B4GALT6: variants seen among roughly 807,000 people sequenced by gnomAD.
B4GALT6 encodes beta-1,4-galactosyltransferase 6.
A neutral mutation model predicts 46.3 loss-of-function variants in B4GALT6; 14 were observed. That is an observed-to-expected ratio of 0.30 (90% CI 0.20 to 0.47). B4GALT6 has a LOEUF of 0.47. Ranked by LOEUF, B4GALT6 falls within the 20% of genes least tolerant of loss-of-function variation. B4GALT6 has a pLI of 0.99. For missense variants in B4GALT6, 386 were observed against 480.1 expected (o/e 0.80, Z 1.83); for synonymous variants, 168 against 162.0 (o/e 1.04, Z -0.28).
chr18:31,629,465 T>TTA (rs1275082915), intron 6 of B4GALT6, among the ~76,000 whole-genome samples: 33 of 135,654 alleles, frequency 2.4e-4, no homozygotes, highest in African/African-American at 8.9e-4. Flanking sequence ...TTTTTTTTTT[T>TTA]TTTTTTTTTT....
chr18:31,663,903 C>T lies in B4GALT6; in HGVS notation c.232+2353G>A, dbSNP rs763062810. ...GTAAATGTTGGCTAAATGAACATGG[C>T]GGAGCCTCATTGCTGACTCAAACTC... On this transcript the variant is annotated intron_variant, in intron 2 of 8. Transcript: ENST00000306851. 4.6e-5 allele frequency among the ~76,000 whole-genome samples: 7 copies of T among 152,282 alleles called. No individual in the cohort carries two copies. In the South Asian group the frequency reaches 1.0e-3, roughly 23 times the overall value.
At chr18:31,707,230 T>A in the B4GALT6 span, among the ~76,000 whole-genome samples, 1 of 116,334 alleles carries the variant, frequency 8.6e-6, no homozygotes, top group African/African-American at 2.8e-5. Context: ...TTCTTTTCTT[T>A]CTTTTTTTTT....
intron 1 of B4GALT6, among the ~76,000 whole-genome samples, chr18:31,674,136 T>C (rs2074388887): frequency 6.6e-6 from 1 of 152,164 alleles, no homozygotes; most frequent in South Asian, 2.1e-4. Flanking sequence ...TGTGGTAATG[T>C]GTTATGGCAG....
upstream of B4GALT6, among the ~76,000 whole-genome samples, chr18:31,690,552 C>A (rs1010107556): frequency 1.3e-5 from 2 of 151,126 alleles, no homozygotes; most frequent in African/African-American, 4.9e-5. Flanking sequence ...TCACTCTAAC[C>A]TCCGCCTCCT....
Position 31,636,065 on chromosome 18 carries a change from T to C in B4GALT6, c.588+2579A>G, listed in dbSNP as rs547655769. ...ATTTTCAACAAAGATGCTAAAGCAATTCAATGGCGAAAACAGTCTTTGCAA... is the reference window on the plus strand; with the variant it reads ...ATTTTCAACAAAGATGCTAAAGCAACTCAATGGCGAAAACAGTCTTTGCAA... On this transcript the variant is annotated intron_variant, in intron 5 of 8. Coordinates refer to ENST00000306851, the MANE Select transcript of B4GALT6 (RefSeq NM_004775.5). Among the ~76,000 whole-genome samples the C allele has an allele frequency of 2.6e-5, 4 of 152,290 alleles. No individual in the cohort carries two copies. In the East Asian group the frequency reaches 7.7e-4, roughly 29 times the overall value.
At chr18:31,645,952 C>G (rs2073986288) in intron 3 of B4GALT6, among the ~76,000 whole-genome samples, 1 of 152,172 alleles carries the variant, frequency 6.6e-6, no homozygotes, top group African/African-American at 2.4e-5. Flanking sequence ...AATGATTTAA[C>G]CTCTCTGTGC....
intron 1 of B4GALT6, among the ~76,000 whole-genome samples, chr18:31,666,661 C>G (rs2074286769): frequency 6.6e-6 from 1 of 152,256 alleles, no homozygotes; most frequent in African/African-American, 2.4e-5. Context: ...CTGTGATTTT[C>G]TACTATAAAA....
chr18:31,649,945 G>A (rs2074044402), intron 3 of B4GALT6, among the ~76,000 whole-genome samples: 1 of 152,160 alleles, frequency 6.6e-6, no homozygotes, highest in African/African-American at 2.4e-5. Context: ...CTACCAAAAA[G>A]GCACATGCAC....
chr18:31,691,688 G>A, the B4GALT6 span, among the ~76,000 whole-genome samples: 6 of 151,996 alleles, frequency 3.9e-5, no homozygotes, highest in East Asian at 1.2e-3. Flanking sequence ...ATTCTGGGGG[G>A]AAAATAGTTT....
upstream of B4GALT6, among the ~76,000 whole-genome samples, chr18:31,689,692 C>G (rs993162297): frequency 6.6e-6 from 1 of 151,428 alleles, no homozygotes; most frequent in African/African-American, 2.4e-5. Context: ...TGCAGTGAGC[C>G]GAGATCACAC....
At chr18:31,700,435 T>TTGTGTGTGTGTGTGTG in the B4GALT6 span, among the ~76,000 whole-genome samples, 236 of 139,570 alleles carry the variant, frequency 1.7e-3, no homozygotes, top group East Asian at 0.012. Context: ...AATTGACTAT[T>TTGTGTGTGTGTGTGTG]TGTGTGTGTG....
the B4GALT6 span, among the ~76,000 whole-genome samples, chr18:31,722,303 A>C: frequency 6.6e-6 from 1 of 152,208 alleles, no homozygotes; most frequent in Non-Finnish European, 1.5e-5. Flanking sequence ...ACACACACAC[A>C]CATACACACG....
chr18:31,672,553 G>C (rs919112976), intron 1 of B4GALT6, among the ~76,000 whole-genome samples: 1 of 152,206 alleles, frequency 6.6e-6, no homozygotes, highest in Non-Finnish European at 1.5e-5. Context: ...ATGGACTAAA[G>C]AAGAGGGAGA....
At chr18:31,710,654 G>T in the B4GALT6 span, among the ~76,000 whole-genome samples, 8 of 152,048 alleles carry the variant, frequency 5.3e-5, no homozygotes, top group African/African-American at 1.9e-4. Context: ...CCTTGATTTT[G>T]GACTTCTGGA....
chr18:31,663,771 T>C (rs2074247783), intron 2 of B4GALT6, among the ~76,000 whole-genome samples: 1 of 152,236 alleles, frequency 6.6e-6, no homozygotes, highest in South Asian at 2.1e-4. Flanking sequence ...ACTATTCATG[T>C]TTCCATCTCT....
At chr18:31,653,240 G>A (rs969771424) in intron 3 of B4GALT6, among the ~76,000 whole-genome samples, 10 of 151,252 alleles carry the variant, frequency 6.6e-5, no homozygotes, top group Non-Finnish European at 1.5e-4. Context: ...TCCCATACAC[G>A]CCACTTAACA....
intron 1 of B4GALT6, among the ~76,000 whole-genome samples, chr18:31,668,638 A>G (rs116087364): frequency 0.017 from 2,603 of 152,258 alleles, 89 homozygotes; most frequent in African/African-American, 0.06. Flanking sequence ...ACTCTGCAAC[A>G]ACTGATATAG....
At chr18:31,718,405 C>A in the B4GALT6 span, among the ~76,000 whole-genome samples, 1 of 152,132 alleles carries the variant, frequency 6.6e-6, no homozygotes, top group Non-Finnish European at 1.5e-5. Context: ...CAAGATAGGG[C>A]CTGTTTATAA....
intron 6 of B4GALT6, among the ~76,000 whole-genome samples, chr18:31,628,232 C>T (rs966460488): frequency 6.6e-5 from 10 of 152,178 alleles, no homozygotes; most frequent in African/African-American, 2.4e-5. Flanking sequence ...TGAGACCTCT[C>T]AAGGCTCACA....
Sources: allele counts gnomAD v4.1 joint callset (sites outside exome capture counted in the v4.1 genomes callset), GRCh38; gene constraint gnomAD v4.1.1; transcripts MANE v1.5; gene names NCBI Gene and HGNC (gene_info 2026-07-23, HGNC 2026-07-21).